CNBD1: variants seen among roughly 807,000 people sequenced by gnomAD.
The protein encoded by CNBD1 is cyclic nucleotide binding domain containing 1.
Under a neutral mutation model 54.4 loss-of-function variants are expected in CNBD1, and 71 were observed. The ratio of observed to expected loss-of-function variants is 1.30; its 90% CI spans 1.08 to 1.59. The LOEUF is 1.59. Ranked by LOEUF, CNBD1 falls within the 40% of genes most tolerant of loss-of-function variation. CNBD1 has a pLI of 0.00. For synonymous variants in CNBD1, 182 were observed against 170.7 expected, an observed-to-expected ratio of 1.07 and a Z score of -0.51; for missense variants, 659 against 518.0, an observed-to-expected ratio of 1.27 and a Z score of -2.64.
At chr8:87,175,102 A>G (rs1030437478) in intron 4 of CNBD1, among the ~76,000 whole-genome samples, 3 of 152,088 alleles carry the variant, frequency 2.0e-5, no homozygotes, top group African/African-American at 7.2e-5. Context: ...TCAAGGCCCT[A>G]TGTCTCTACA....
chr8:87,247,976 A>G (rs1289775280), intron 6 of CNBD1, among the ~76,000 whole-genome samples: 1 of 152,226 alleles, frequency 6.6e-6, no homozygotes, highest in Non-Finnish European at 1.5e-5. Context: ...AAAGCTGTCC[A>G]GTCATGGAAG....
intron 3 of CNBD1, among the ~76,000 whole-genome samples, chr8:86,905,635 G>A (rs1477611982): frequency 3.3e-5 from 5 of 152,106 alleles, no homozygotes; most frequent in African/African-American, 1.2e-4. Context: ...CTGGGCTCCT[G>A]CTTCTAGGTG....
chr8:87,185,832 C>T (rs1179310969), intron 4 of CNBD1, among the ~76,000 whole-genome samples: 1 of 152,220 alleles, frequency 6.6e-6, no homozygotes, highest in East Asian at 1.9e-4. Flanking sequence ...CAATAATTTT[C>T]TCTGGGAACT....
intron 4 of CNBD1, among the ~76,000 whole-genome samples, chr8:87,168,549 T>G (rs572974722): frequency 4.6e-5 from 7 of 152,134 alleles, no homozygotes; most frequent in Non-Finnish European, 7.4e-5. Context: ...GTATACCCAT[T>G]AACCATCCCT....
chr8:87,415,000 G>A (rs1214954386), intron 2 of CNBD1, among the ~76,000 whole-genome samples: 1 of 151,980 alleles, frequency 6.6e-6, no homozygotes, highest in African/African-American at 2.4e-5. Flanking sequence ...GTTTCTTCTG[G>A]CAGCAAGATA....
At chr8:87,315,971 T>G (rs1481475944) in intron 8 of CNBD1, among the ~76,000 whole-genome samples, 2 of 152,004 alleles carry the variant, frequency 1.3e-5, no homozygotes, top group African/African-American at 2.4e-5. Flanking sequence ...ATGTGCCCCA[T>G]GAATATATAC....
intron 4 of CNBD1, among the ~76,000 whole-genome samples, chr8:87,072,993 G>GT (rs1810790251): frequency 1.3e-5 from 2 of 151,692 alleles, no homozygotes; most frequent in Non-Finnish European, 2.9e-5. Context: ...TTTCTCAGAG[G>GT]TTTTGTTCTT....
At chr8:87,306,502 G>A (rs1011196297) in intron 8 of CNBD1, among the ~76,000 whole-genome samples, 2 of 152,126 alleles carry the variant, frequency 1.3e-5, no homozygotes, top group Non-Finnish European at 2.9e-5. Context: ...CAATCCAAAT[G>A]CCCATCAATC....
intron 8 of CNBD1, among the ~76,000 whole-genome samples, chr8:87,337,147 A>G (rs1030746398): frequency 6.6e-6 from 1 of 152,166 alleles, no homozygotes; most frequent in Non-Finnish European, 1.5e-5. Context: ...AGGATGTCTG[A>G]TAATCCCTGT....
intron 6 of CNBD1, among the ~76,000 whole-genome samples, chr8:87,256,009 A>AT (rs1563526118): frequency 3.1e-4 from 6 of 19,662 alleles, no homozygotes; most frequent in Non-Finnish European, 3.2e-4. Context: ...ATATATATAT[A>AT]TATATATTTT....
At chr8:87,307,627 A>T (rs953047142) in intron 8 of CNBD1, among the ~76,000 whole-genome samples, 7 of 151,954 alleles carry the variant, frequency 4.6e-5, no homozygotes, top group African/African-American at 1.7e-4. Flanking sequence ...AATCCCAGCT[A>T]CTTGGGAGGC....
At chr8:86,877,201 G>A (rs1230492352) in intron 1 of CNBD1, among the ~76,000 whole-genome samples, 1 of 151,974 alleles carries the variant, frequency 6.6e-6, no homozygotes, top group East Asian at 1.9e-4. Context: ...AAGGGAATAT[G>A]TACAGATATA....
intron 4 of CNBD1, among the ~76,000 whole-genome samples, chr8:87,029,620 A>T (rs1178172954): frequency 6.6e-6 from 1 of 152,168 alleles, no homozygotes. Context: ...ACCAAAGCAG[A>T]TAAAGCAGTA....
At chr8:87,428,572 A>T (rs1257597729) in exon 3 of CNBD1, 1 of 454,756 alleles carries the variant, frequency 2.2e-6, no homozygotes, top group Non-Finnish European at 4.4e-6. Flanking sequence ...CAAGCAACTT[A>T]TGCTCCAAAC....
intron 4 of CNBD1, among the ~76,000 whole-genome samples, chr8:87,179,916 C>G (rs1372230392): frequency 2.0e-5 from 3 of 152,096 alleles, no homozygotes; most frequent in Non-Finnish European, 4.4e-5. Context: ...CAGGATGTCA[C>G]CATGAATCAC....
intron 4 of CNBD1, among the ~76,000 whole-genome samples, chr8:87,181,929 TGC>T (rs886763119): frequency 2.0e-5 from 3 of 152,162 alleles, no homozygotes; most frequent in African/African-American, 7.2e-5. Flanking sequence ...GGGATACATG[TGC>T]AGGTTTTTTC....
intron 4 of CNBD1, among the ~76,000 whole-genome samples, chr8:87,115,015 G>A (rs1811740451): frequency 6.6e-6 from 1 of 152,262 alleles, no homozygotes; most frequent in South Asian, 2.1e-4. Flanking sequence ...ACAGAATGAA[G>A]CAATTATAAA....
intron 8 of CNBD1, among the ~76,000 whole-genome samples, chr8:87,318,003 T>C (rs1809435651): frequency 6.6e-6 from 1 of 152,018 alleles, no homozygotes; most frequent in Non-Finnish European, 1.5e-5. Flanking sequence ...ATCAGAACCA[T>C]TATATTTTTT....
chr8:87,036,896 A>T (rs1163266125), intron 4 of CNBD1, among the ~76,000 whole-genome samples: 1 of 152,114 alleles, frequency 6.6e-6, no homozygotes, highest in African/African-American at 2.4e-5. Flanking sequence ...CTGTCATCCT[A>T]AGATTTTCTT....
Sources: allele counts gnomAD v4.1 joint callset (sites outside exome capture counted in the v4.1 genomes callset), GRCh38; gene constraint gnomAD v4.1.1; transcripts MANE v1.5; gene names NCBI Gene and HGNC (gene_info 2026-07-23, HGNC 2026-07-21).